Variants in NRG1 observed in about 807,000 individuals in gnomAD.
The protein encoded by NRG1 is pro-neuregulin-1, membrane-bound isoform.
In NRG1, 18 loss-of-function variants were observed where a neutral mutation model predicts 63.8. That is an observed-to-expected ratio of 0.28 (90% CI 0.19 to 0.42). The LOEUF (loss-of-function observed/expected upper bound fraction) is 0.42. Among genes scored for constraint, NRG1 ranks in the 10% least tolerant of loss-of-function variants. The pLI is 1.00. For missense variants in NRG1, 762 were observed against 814.7 expected, an observed-to-expected ratio of 0.94 and a Z score of 0.79; for synonymous variants, 302 against 301.3, an observed-to-expected ratio of 1.00 and a Z score of -0.02.
At chr8:32,380,496 C>T (rs1810211933) in intron 1 of NRG1, among the ~76,000 whole-genome samples, 1 of 152,118 alleles carries the variant, frequency 6.6e-6, no homozygotes, top group Non-Finnish European at 1.5e-5. Context: ...CAACACCCAA[C>T]CACCACCTTG....
intron 1 of NRG1, among the ~76,000 whole-genome samples, chr8:32,309,118 G>A (rs939912347): frequency 1.3e-5 from 2 of 152,208 alleles, no homozygotes; most frequent in African/African-American, 4.8e-5. Context: ...ATTGGAGACA[G>A]TGTAGTTTCA....
At chr8:32,484,455 T>C (rs1469971726) in intron 1 of NRG1, among the ~76,000 whole-genome samples, 1 of 152,128 alleles carries the variant, frequency 6.6e-6, no homozygotes, top group Non-Finnish European at 1.5e-5. Context: ...ATTCAGAAAA[T>C]AGAGAAGTTG....
exon 1 of NRG1, chr8:32,548,553 C>A (rs1001576894): frequency 1.6e-6 from 2 of 1,257,128 alleles, no homozygotes; most frequent in East Asian, 3.3e-5. Context: ...CCGCCGCGTC[C>A]GCGCCGCGCT....
intron 1 of NRG1, among the ~76,000 whole-genome samples, chr8:32,448,666 A>G (rs1391420945): frequency 6.8e-6 from 1 of 146,836 alleles, no homozygotes; most frequent in Non-Finnish European, 1.5e-5. Context: ...TACGTCAATT[A>G]GCTATTTTTT....
At chr8:32,491,008 C>A (rs80326323) in intron 1 of NRG1, among the ~76,000 whole-genome samples, 1 of 152,226 alleles carries the variant, frequency 6.6e-6, no homozygotes, top group African/African-American at 2.4e-5. Flanking sequence ...TAAGGGGTAA[C>A]GTTTACAAAT....
At chr8:32,013,367 A>G (rs1376882151) in intron 1 of NRG1, among the ~76,000 whole-genome samples, 1 of 152,160 alleles carries the variant, frequency 6.6e-6, no homozygotes, top group Non-Finnish European at 1.5e-5. Flanking sequence ...CAGAGCATCA[A>G]AGTGATCCCA....
In NRG1 at chr8:32,363,743, A is replaced by T. The variant is rs1383154466; in HGVS notation, c.38-232085A>T. On this transcript the variant is annotated intron_variant, in intron 1 of 10. Transcript: ENST00000519301. ...AATTTTTTTTACATTAAAAACAACA[A>T]ATGGGCCCTTCAGAATAGTCGAAAA... 3.9e-5 allele frequency among the ~76,000 whole-genome samples: 6 copies of T among 152,254 alleles called. No individual in the cohort carries two copies. In the East Asian group the frequency reaches 1.2e-3, roughly 29 times the overall value.
At chr8:32,726,539 A>G (rs2129012787) in intron 5 of NRG1, among the ~76,000 whole-genome samples, 1 of 152,260 alleles carries the variant, frequency 6.6e-6, no homozygotes, top group African/African-American at 2.4e-5. Flanking sequence ...AGCCATGCTG[A>G]GATCAATGAA....
chr8:32,409,103 T>A (rs1814521279), intron 1 of NRG1, among the ~76,000 whole-genome samples: 1 of 152,184 alleles, frequency 6.6e-6, no homozygotes, highest in Admixed American at 6.5e-5. Flanking sequence ...TATTCCATGG[T>A]GTATATACGT....
At chr8:32,596,618 A>G (rs1563734397) in intron 2 of NRG1, among the ~76,000 whole-genome samples, 1 of 151,730 alleles carries the variant, frequency 6.6e-6, no homozygotes, top group Non-Finnish European at 1.5e-5. Flanking sequence ...AAAAAATGCA[A>G]TTTCTTTAAA....
chr8:32,248,969 G>GAT (rs1848836060), intron 1 of NRG1, among the ~76,000 whole-genome samples: 1 of 151,984 alleles, frequency 6.6e-6, no homozygotes. Context: ...GTTCCTACAA[G>GAT]AGACAGCTTT....
At chr8:32,711,569 A>G (rs1229347328) in intron 5 of NRG1, among the ~76,000 whole-genome samples, 1 of 152,210 alleles carries the variant, frequency 6.6e-6, no homozygotes, top group Non-Finnish European at 1.5e-5. Context: ...TTGCTACACT[A>G]TGAAGTTATG....
intron 1 of NRG1, among the ~76,000 whole-genome samples, chr8:32,396,360 T>G (rs1324886165): frequency 6.6e-6 from 1 of 152,222 alleles, no homozygotes; most frequent in East Asian, 1.9e-4. Flanking sequence ...TCTCAACTTA[T>G]TTTGGTTCTT....
intron 1 of NRG1, among the ~76,000 whole-genome samples, chr8:32,403,366 G>A (rs887784620): frequency 1.3e-5 from 2 of 151,358 alleles, no homozygotes; most frequent in Non-Finnish European, 2.9e-5. Flanking sequence ...CTGTGTGCAA[G>A]GCACTTGATA....
chr8:32,059,464 T>C (rs909051162), intron 1 of NRG1, among the ~76,000 whole-genome samples: 3 of 152,010 alleles, frequency 2.0e-5, no homozygotes, highest in Non-Finnish European at 2.9e-5. Flanking sequence ...CTTGTTTTAT[T>C]ATAATACATC....
chr8:32,714,240 A>G (rs955339431), intron 5 of NRG1, among the ~76,000 whole-genome samples: 13 of 152,240 alleles, frequency 8.5e-5, no homozygotes, highest in African/African-American at 3.1e-4. Flanking sequence ...TTGACAAATG[A>G]CATGGTGTTA....
chr8:32,727,485 C>T (rs1446196296), intron 5 of NRG1, among the ~76,000 whole-genome samples: 4 of 152,096 alleles, frequency 2.6e-5, no homozygotes, highest in African/African-American at 9.7e-5. Flanking sequence ...ATATATACAT[C>T]ATGTCTAAAA....
intron 1 of NRG1, among the ~76,000 whole-genome samples, chr8:32,235,021 G>A (rs929682876): frequency 1.3e-5 from 2 of 151,808 alleles, no homozygotes; most frequent in East Asian, 1.9e-4. Flanking sequence ...TTTCTCCCCG[G>A]TTAGCACAGC....
At chr8:32,403,299 C>CAAAAAAAAAA (rs68127664) in intron 1 of NRG1, among the ~76,000 whole-genome samples, 13 of 89,752 alleles carry the variant, frequency 1.4e-4, no homozygotes, top group East Asian at 3.6e-4. Context: ...CACTCTGTCT[C>CAAAAAAAAAA]AAAAAAAAAA....
Sources: allele counts gnomAD v4.1 joint callset (sites outside exome capture counted in the v4.1 genomes callset), GRCh38; gene constraint gnomAD v4.1.1; transcripts MANE v1.5; gene names NCBI Gene and HGNC (gene_info 2026-07-23, HGNC 2026-07-21).